MTOR: variants seen among roughly 807,000 people sequenced by gnomAD.
MTOR encodes mechanistic target of rapamycin kinase.
MTOR carries 70 observed loss-of-function variants against 319.8 expected under a neutral mutation model. The observed-to-expected ratio is 0.22, with a 90% CI of 0.18 to 0.27. The LOEUF (loss-of-function observed/expected upper bound fraction) is 0.27, where lower values mean the gene tolerates loss of function less well. Ranked by LOEUF, MTOR falls within the 10% of genes least tolerant of loss-of-function variation. The pLI is 1.00. For synonymous variants in MTOR, 1,183 were observed against 1,211.4 expected (o/e 0.98, Z 0.49); for missense variants, 1,890 against 3,274.4 (o/e 0.58, Z 10.32).
chr1:11,197,115 C>T (rs1388183140), intron 28 of MTOR, among the ~76,000 whole-genome samples: 1 of 152,122 alleles, frequency 6.6e-6, no homozygotes, highest in African/African-American at 2.4e-5. Context: ...AATTTAGCTT[C>T]AAGCTCTCTA....
In MTOR at chr1:11,122,009, A is replaced by T. The variant is rs2100362024; in HGVS notation, c.6780T>A (p.Leu2260=). Residue 2260 remains leucine, a synonymous_variant, in exon 48 of 58, where the codon CTT becomes CTA. Transcript: ENST00000361445. ...IRDYREKKKI[L]LNIEHRIMLR... ...ACATGATGCGATGCTCGATGTTGAGAAGGATCTTCTTCTTCTCCCTGTAGT... is the reference window on the plus strand; with the variant it reads ...ACATGATGCGATGCTCGATGTTGAGTAGGATCTTCTTCTTCTCCCTGTAGT... 6.2e-7 allele frequency: 1 copy of T among 1,614,182 alleles called. No homozygotes were observed. Among genetic ancestry groups the T allele is most frequent in the Non-Finnish European group, 8.5e-7 (1 of 1,180,026 alleles).
chr1:11,159,959 C>T (rs896008218), intron 29 of MTOR, among the ~76,000 whole-genome samples: 1 of 152,014 alleles, frequency 6.6e-6, no homozygotes, highest in East Asian at 1.9e-4. Flanking sequence ...CCTGCCAAGA[C>T]CACAAAGAAT....
rs2100856545 is a variant in MTOR at position 11,228,874 on chromosome 1, G to A, written c.2824C>T (p.Pro942Ser). Residue 942 changes from proline (P) to serine (S), a missense_variant, in exon 19 of 58, where the codon CCT becomes TCT. Pro to Ser is a moderately conservative substitution (Grantham distance 74, BLOSUM62 -1). Transcript: ENST00000361445. Reference sequence around the variant, plus strand: ...ACAGCTGGGTAGAACTCATCCAGAGGCAAGTTTCCCATGTTGACCAGCATT... The same window carrying A: ...ACAGCTGGGTAGAACTCATCCAGAGACAAGTTTCCCATGTTGACCAGCATT... ...SEMLVNMGNLPLDEFYPAVSM... is the reference protein window; with the variant it reads ...SEMLVNMGNLSLDEFYPAVSM... The A allele has an allele frequency of 6.2e-7, 1 of 1,614,170 alleles. No individual in the cohort carries two copies. The highest frequency in any genetic ancestry group is 8.5e-7 in the Non-Finnish European group (1 of 1,180,012).
rs1644868337 is a variant in MTOR, at chr1:11,172,919, G to A, written c.4254-5402C>T. 2.0e-5 allele frequency among the ~76,000 whole-genome samples: 3 copies of A among 149,334 alleles called. No individual in the cohort carries two copies. In the South Asian group the frequency reaches 6.3e-4, roughly 31 times the overall value. On this transcript the variant is annotated intron_variant, in intron 28 of 57. Coordinates refer to ENST00000361445, the MANE Select transcript of MTOR (RefSeq NM_004958.4). Reference sequence around the variant, plus strand: ...AAACTCATGAAAAATGAACACTCTCGCTCTGAGAAATTAATTTCTTTGTCT... The same window carrying A: ...AAACTCATGAAAAATGAACACTCTCACTCTGAGAAATTAATTTCTTTGTCT...
chr1:11,238,579 G>T lies in MTOR; in HGVS notation c.1825C>A (p.His609Asn). ...LTQFVRHCAD[H>N]FLNSEHKEIR... ...TCCTTGTGCTCACTGTTCAGGAAAT[G>T]ATCCGCACAGTGGCGAACAAATTGG... Residue 609 changes from histidine (H) to asparagine (N), a missense_variant, in exon 12 of 58, where the codon CAT (histidine) becomes AAT (asparagine). This residue lies in a region of MTOR where 418 missense variants were observed against 543.1 expected (regional missense o/e 0.77). Transcript: ENST00000361445. 1 of 1,614,136 alleles carries T rather than the reference G, an allele frequency of 6.2e-7. No homozygotes were observed. The highest frequency in any genetic ancestry group is 8.5e-7 in the Non-Finnish European group (1 of 1,179,982).
chr1:11,213,604 C>G, intron 20 of MTOR, 38 bp from the exon 21 acceptor site: 1 of 1,598,500 alleles, frequency 6.3e-7, no homozygotes, highest in African/African-American at 1.3e-5. Flanking sequence ...TGAGTCAGGT[C>G]CCTTTCTGAT....
At chr1:11,151,652 C>T (rs1644148353) in intron 30 of MTOR, among the ~76,000 whole-genome samples, 1 of 152,204 alleles carries the variant, frequency 6.6e-6, no homozygotes, top group Non-Finnish European at 1.5e-5. Flanking sequence ...GACCAGGGGT[C>T]ACAGTTTGAG....
At chr1:11,114,957 T>C in intron 51 of MTOR, 70 bp from the exon 52 acceptor site, 1 of 1,422,138 alleles carries the variant, frequency 7.0e-7, no homozygotes, top group Non-Finnish European at 9.9e-7. Flanking sequence ...GTGGAGCAGG[T>C]GGCTTTCCTC....
chr1:11,155,791 G>C (rs1042401488), intron 30 of MTOR, among the ~76,000 whole-genome samples: 2 of 152,124 alleles, frequency 1.3e-5, no homozygotes, highest in Non-Finnish European at 2.9e-5. Flanking sequence ...TAAGCTCTGG[G>C]AAGGCAGGGG....
intron 28 of MTOR, chr1:11,192,509 A>G: frequency 1.5e-6 from 1 of 683,458 alleles, no homozygotes; most frequent in South Asian, 1.8e-5. Context: ...TAATCCCAGC[A>G]CTATGGGAGG....
intron 28 of MTOR, chr1:11,189,970 C>G: frequency 3.1e-6 from 5 of 1,592,180 alleles, no homozygotes; most frequent in Non-Finnish European, 4.3e-6. Flanking sequence ...GGAGACCAGT[C>G]CCCTGAGGGA....
chr1:11,223,662 C>G (rs932219282), intron 19 of MTOR, among the ~76,000 whole-genome samples: 1 of 151,910 alleles, frequency 6.6e-6, no homozygotes, highest in Non-Finnish European at 1.5e-5. Flanking sequence ...AATAAAGGCT[C>G]AAACAAATCC....
chr1:11,211,341 C>T (rs1201886029), intron 23 of MTOR, among the ~76,000 whole-genome samples: 3 of 152,200 alleles, frequency 2.0e-5, no homozygotes, highest in Non-Finnish European at 4.4e-5. Context: ...CCAGAGACTG[C>T]TGGGCTCCAC....
At chr1:11,210,535 C>A (rs1480241158) in intron 24 of MTOR, among the ~76,000 whole-genome samples, 23 of 152,268 alleles carry the variant, frequency 1.5e-4, no homozygotes, top group Admixed American at 1.4e-3. Context: ...TTTTGCAACA[C>A]ATGAAAATTG....
chr1:11,231,632 A>G (rs1248990548), intron 16 of MTOR, among the ~76,000 whole-genome samples, 198 bp from the exon 17 acceptor site: 1 of 152,224 alleles, frequency 6.6e-6, no homozygotes, highest in East Asian at 1.9e-4. Flanking sequence ...CCCTGCAACA[A>G]TCACTGGATC....
intron 5 of MTOR, among the ~76,000 whole-genome samples, 169 bp from the exon 6 acceptor site, chr1:11,254,142 T>A (rs2100967676): frequency 6.6e-6 from 1 of 152,112 alleles, no homozygotes; most frequent in East Asian, 1.9e-4. Flanking sequence ...TAATTCAGCT[T>A]CAATTTTTTT....
At chr1:11,146,551 T>C (rs186309327) in intron 32 of MTOR, 125 bp downstream of exon 32, 1 of 708,860 alleles carries the variant, frequency 1.4e-6, no homozygotes, top group African/African-American at 1.8e-5. Flanking sequence ...ACCATTCAAA[T>C]GTACTCACAG....
At chr1:11,148,644 G>A (rs1180522411) in intron 31 of MTOR, among the ~76,000 whole-genome samples, 1 of 152,092 alleles carries the variant, frequency 6.6e-6, no homozygotes, top group African/African-American at 2.4e-5. Context: ...GCTCACACCT[G>A]TAATTCCAGC....
chr1:11,135,286 A>T (rs766697291), intron 36 of MTOR, among the ~76,000 whole-genome samples: 1 of 152,190 alleles, frequency 6.6e-6, no homozygotes, highest in Non-Finnish European at 1.5e-5. Context: ...GAGGGGGGAA[A>T]ACCCACAAAT....
Sources: gnomAD v4.1 joint callset for allele counts (sites outside exome capture counted in the v4.1 genomes callset) on GRCh38, gnomAD v4.1.1 for gene constraint, gnomAD v4.1.1 regional missense constraint, MANE v1.5 for transcripts, NCBI Gene and HGNC (gene_info 2026-07-23, HGNC 2026-07-21) for gene names.